TFDP1: variants seen among roughly 807,000 people sequenced by gnomAD.
TFDP1 encodes transcription factor Dp-1, also known as DRTF1-polypeptide 1.
A neutral mutation model predicts 48.0 loss-of-function variants in TFDP1; 6 were observed. That is an observed-to-expected ratio of 0.13 (90% confidence interval 0.07 to 0.25). TFDP1 has a LOEUF of 0.25. TFDP1 is among the 10% of genes least tolerant of loss of function. The pLI, the probability that TFDP1 is intolerant of heterozygous loss-of-function variation, is 1.00. For synonymous variants in TFDP1, 201 were observed against 211.6 expected, an observed-to-expected ratio of 0.95 and a Z score of 0.44; for missense variants, 335 against 543.0, an observed-to-expected ratio of 0.62 and a Z score of 3.81.
At chr13:113,600,532 T>TCA (rs2048394202) in intron 2 of TFDP1, among the ~76,000 whole-genome samples, 1 of 137,892 alleles carries the variant, frequency 7.3e-6, no homozygotes. Flanking sequence ...GACAGAACCC[T>TCA]CACGTGGGGA....
intron 8 of TFDP1, among the ~76,000 whole-genome samples, chr13:113,634,867 G>A (rs1329292465): frequency 6.6e-6 from 1 of 151,642 alleles, no homozygotes; most frequent in Admixed American, 6.6e-5. Context: ...GTGCGTGCGT[G>A]TGCCTGTGTG....
intron 2 of TFDP1, among the ~76,000 whole-genome samples, chr13:113,601,313 G>A (rs2048419615): frequency 6.6e-6 from 1 of 152,256 alleles, no homozygotes; most frequent in Non-Finnish European, 1.5e-5. Context: ...GTTGGTCTGG[G>A]CAGGACCACT....
chr13:113,588,497 GA>G (rs1476486323), intron 2 of TFDP1, among the ~76,000 whole-genome samples: 4 of 152,244 alleles, frequency 2.6e-5, no homozygotes, highest in Non-Finnish European at 4.4e-5. Flanking sequence ...CCATGTGAGT[GA>G]GGGGCAGAAA....
chr13:113,621,339 G>A (rs184881233), intron 3 of TFDP1, among the ~76,000 whole-genome samples: 279 of 152,334 alleles, frequency 1.8e-3, no homozygotes, highest in African/African-American at 6.3e-3. Flanking sequence ...GGGGCTATCC[G>A]CTCAGCTCCC....
At chr13:113,617,482 C>A (rs189448768) in intron 3 of TFDP1, among the ~76,000 whole-genome samples, 3 of 128,686 alleles carry the variant, frequency 2.3e-5, no homozygotes, top group African/African-American at 1.2e-4. Context: ...CTGCAGAGCC[C>A]TTCACCTGCA....
At chr13:113,605,101 C>T (rs1053598374) in intron 2 of TFDP1, among the ~76,000 whole-genome samples, 3 of 151,720 alleles carry the variant, frequency 2.0e-5, no homozygotes, top group Non-Finnish European at 2.9e-5. Flanking sequence ...TTTTTAGGGA[C>T]GATGCTGCAC....
intron 2 of TFDP1, among the ~76,000 whole-genome samples, chr13:113,600,230 G>A (rs1039533479): frequency 1.3e-5 from 2 of 149,090 alleles, no homozygotes; most frequent in South Asian, 2.1e-4. Context: ...TCGTGCTTAG[G>A]GCTCCAGGAC....
chr13:113,622,014 A>G (rs1175241642), intron 3 of TFDP1, among the ~76,000 whole-genome samples: 2 of 152,200 alleles, frequency 1.3e-5, no homozygotes, highest in East Asian at 3.8e-4. Context: ...TGCAGAAATA[A>G]TGGCGTAAGC....
At chr13:113,589,573 G>T (rs1214968825) in intron 2 of TFDP1, among the ~76,000 whole-genome samples, 2 of 152,202 alleles carry the variant, frequency 1.3e-5, no homozygotes, top group Non-Finnish European at 2.9e-5. Context: ...CAGGCCCTCC[G>T]CCTCAGGGCC....
Position 113,598,025 on chromosome 13 carries a change from G to A in TFDP1, c.12+12176G>A, listed in dbSNP as rs1240113802. Among the ~76,000 whole-genome samples, 2 of 152,310 alleles carry A rather than the reference G, an allele frequency of 1.3e-5. No individual in the cohort carries two copies. Among genetic ancestry groups the A allele is most frequent in the Non-Finnish European group, 2.9e-5 (2 of 68,022 alleles). ...TGCAGGCACGAGGTGTTCAAATGCA[G>A]CAGTGACTTCATAAGAAAAGGGAGT... On this transcript the variant is annotated intron_variant, in intron 2 of 11. Coordinates refer to ENST00000375370, the MANE Select transcript of TFDP1 (RefSeq NM_007111.5). This position sits in a 1 kb window ranked among gnomAD's most constrained non-coding sequence, Gnocchi z 4.2.
intron 2 of TFDP1, among the ~76,000 whole-genome samples, chr13:113,604,297 C>G (rs2048511926): frequency 6.6e-6 from 1 of 152,136 alleles, no homozygotes; most frequent in Admixed American, 6.5e-5. Flanking sequence ...CTTACATGCT[C>G]AAGCTGGTAA....
chr13:113,625,845 C>G (rs2049153750), intron 4 of TFDP1, among the ~76,000 whole-genome samples: 3 of 145,350 alleles, frequency 2.1e-5, no homozygotes, highest in African/African-American at 7.8e-5. Context: ...CACGCGTCCT[C>G]AGGTGTCTCT....
At position 113,633,445 on chromosome 13, in the gene TFDP1, C is replaced by T. The variant is rs1030240661; in HGVS notation, c.474+160C>T. Among the ~76,000 whole-genome samples the T allele has an allele frequency of 3.3e-5, 5 of 151,170 alleles. No individual in the cohort carries two copies. The highest frequency in any genetic ancestry group is 4.2e-4 in the South Asian group (2 of 4,776). On this transcript the variant is annotated intron_variant, in intron 6 of 11. Coordinates refer to ENST00000375370, the MANE Select transcript of TFDP1 (RefSeq NM_007111.5). This position sits in a 1 kb window ranked among gnomAD's most constrained non-coding sequence, Gnocchi z 4.5. ...CGAGTCAGTAAGTGTGTGCCGGGGC[C>T]GAGAGGCTGGGGTGGCGGAGCCCAG...
chr13:113,611,952 G>C (rs2048718822), intron 3 of TFDP1, among the ~76,000 whole-genome samples: 1 of 152,256 alleles, frequency 6.6e-6, no homozygotes, highest in Non-Finnish European at 1.5e-5. Context: ...GAGGAGCCCA[G>C]AGGCCTGGAT....
chr13:113,625,937 T>TCTCAGGCGTCTCTCACGTGTC lies in TFDP1; in HGVS notation c.186+2679_186+2699dup, dbSNP rs1566667792. 3.1e-4 allele frequency among the ~76,000 whole-genome samples: 38 copies of TCTCAGGCGTCTCTCACGTGTC among 121,988 alleles called. 3 individuals carry two copies. The highest frequency in any genetic ancestry group is 1.1e-3 in the African/African-American group (33 of 30,618). The allele number at this position is 121,988 out of a possible 152,430, so 80.0% of individuals were successfully genotyped here. A position where few individuals can be genotyped will look rare whatever the true frequency, so the allele number is the denominator to read the frequency against. ...TGTCTCTCACGTGTCCTCAGGTGTT[T>TCTCAGGCGTCTCTCACGTGTC]CTCAGGCGTCTCTCACGTGTCCTCA... On this transcript the variant is annotated intron_variant, in intron 4 of 11. Transcript: ENST00000375370.
At chr13:113,626,363 G>A (rs1024735987) in intron 4 of TFDP1, among the ~76,000 whole-genome samples, 10 of 152,088 alleles carry the variant, frequency 6.6e-5, no homozygotes, top group Non-Finnish European at 1.3e-4. Flanking sequence ...TGCTATTTCC[G>A]TTTATTTAAA....
intron 4 of TFDP1, among the ~76,000 whole-genome samples, chr13:113,626,532 C>T (rs1004232686): frequency 1.3e-5 from 2 of 151,982 alleles, no homozygotes; most frequent in African/African-American, 4.8e-5. Flanking sequence ...CCCGCAGCCC[C>T]CCTCCCCGTG....
intron 11 of TFDP1, among the ~76,000 whole-genome samples, chr13:113,638,857 T>G (rs1457165465): frequency 6.6e-6 from 1 of 152,226 alleles, no homozygotes; most frequent in Non-Finnish European, 1.5e-5. Flanking sequence ...TAATCTTAAG[T>G]GTTAATAAAA....
At chr13:113,617,246 A>C (rs915035358) in intron 3 of TFDP1, among the ~76,000 whole-genome samples, 6 of 152,194 alleles carry the variant, frequency 3.9e-5, no homozygotes, top group African/African-American at 1.4e-4. Flanking sequence ...CCAGGAGCTC[A>C]GGTTTCCTGA....
Sources: gnomAD v4.1 joint callset for allele counts (sites outside exome capture counted in the v4.1 genomes callset) on GRCh38, gnomAD v4.1.1 for gene constraint, Gnocchi (gnomAD v3.1) non-coding constraint, MANE v1.5 for transcripts, NCBI Gene and HGNC (gene_info 2026-07-23, HGNC 2026-07-21) for gene names.